Variants in CASK observed in about 807,000 individuals in gnomAD.
CASK encodes the protein peripheral plasma membrane protein CASK.
A neutral mutation model predicts 82.9 loss-of-function variants in CASK; 4 were observed. The observed-to-expected ratio is 0.05, with a 90% CI of 0.02 to 0.11. The LOEUF (loss-of-function observed/expected upper bound fraction) is 0.11, where lower values mean the gene tolerates loss of function less well. Among genes scored for constraint, CASK ranks in the 10% least tolerant of loss-of-function variants. The pLI, the probability that CASK is intolerant of heterozygous loss-of-function variation, is 1.00. For missense variants in CASK, 358 were observed against 720.9 expected (o/e 0.50, Z 5.76); for synonymous variants, 259 against 253.5 (o/e 1.02, Z -0.20).
intron 16 of CASK, among the ~76,000 whole-genome samples, chrX:41,565,431 A>G (rs1002764086): frequency 7.1e-5 from 8 of 112,048 alleles, no homozygotes; most frequent in African/African-American, 2.6e-4. Context: ...AGAAATACAA[A>G]CTACCATCAG....
At chrX:41,624,431 T>C (rs746601469) in intron 10 of CASK, 34 of 254,833 alleles carry the variant, frequency 1.3e-4, no homozygotes, top group Admixed American at 7.6e-4. Context: ...TTTTTGGAAA[T>C]CACCTTCACT....
intron 6 of CASK, among the ~76,000 whole-genome samples, chrX:41,670,324 T>C (rs919469450): frequency 1.8e-5 from 2 of 112,585 alleles, no homozygotes; most frequent in African/African-American, 6.5e-5. Flanking sequence ...TAGCATTCTT[T>C]GAAACTATAC....
At chrX:41,867,137 G>A (rs1212028111) in intron 1 of CASK, among the ~76,000 whole-genome samples, 2 of 112,179 alleles carry the variant, frequency 1.8e-5, no homozygotes, top group East Asian at 5.6e-4. Context: ...AGGGGTTACA[G>A]TATTCTACAC....
chrX:41,828,997 T>C (rs983095693), intron 2 of CASK, among the ~76,000 whole-genome samples: 1 of 111,969 alleles, frequency 8.9e-6, no homozygotes, highest in Non-Finnish European at 1.9e-5. Flanking sequence ...AGGTATGTCA[T>C]CACCCTTTTC....
At chrX:41,784,322 C>T (rs1177152670) in intron 3 of CASK, among the ~76,000 whole-genome samples, 1 of 112,109 alleles carries the variant, frequency 8.9e-6, no homozygotes. Flanking sequence ...GGAGGTTCCA[C>T]CTTACTTTAT....
chrX:41,615,081 C>T (rs1569342333), intron 11 of CASK, among the ~76,000 whole-genome samples: 1 of 112,081 alleles, frequency 8.9e-6, no homozygotes, highest in Non-Finnish European at 1.9e-5. Flanking sequence ...GCTGGGATTA[C>T]AGGTGTGAGC....
chrX:41,871,704 T>C (rs1006456021), intron 1 of CASK, among the ~76,000 whole-genome samples: 4 of 111,803 alleles, frequency 3.6e-5, no homozygotes, highest in Non-Finnish European at 7.5e-5. Context: ...GTATACTGTG[T>C]CATAGTAAAA....
chrX:41,605,575 A>C (rs1050586129), intron 12 of CASK, among the ~76,000 whole-genome samples: 5 of 111,854 alleles, frequency 4.5e-5, no homozygotes, highest in African/African-American at 1.6e-4. Context: ...CTTAAACAAA[A>C]AACAAACAAC....
At chrX:41,578,295 G>T in intron 15 of CASK, 45 bp downstream of exon 15, 1 of 975,461 alleles carries the variant, frequency 1.0e-6, no homozygotes, top group Non-Finnish European at 1.5e-6. Flanking sequence ...TATAACTCAT[G>T]CTGGGATCTT....
intron 4 of CASK, among the ~76,000 whole-genome samples, chrX:41,745,069 G>A (rs2068664529): frequency 8.9e-6 from 1 of 112,051 alleles, no homozygotes; most frequent in African/African-American, 3.2e-5. Flanking sequence ...CCAAGCTGGA[G>A]TGCAATAGCG....
intron 11 of CASK, among the ~76,000 whole-genome samples, chrX:41,612,898 G>A (rs1285195298): frequency 4.0e-4 from 34 of 84,425 alleles, no homozygotes; most frequent in African/African-American, 6.6e-4. Flanking sequence ...TCAGCCCCCC[G>A]CCCGGCCAGC....
chrX:41,800,235 A>T (rs2069965043), intron 2 of CASK, among the ~76,000 whole-genome samples: 1 of 110,800 alleles, frequency 9.0e-6, no homozygotes, highest in South Asian at 3.9e-4. Context: ...GAGCTGTGGA[A>T]GATCCACACT....
At chrX:41,715,449 G>A (rs141499429) in intron 5 of CASK, among the ~76,000 whole-genome samples, 1,884 of 110,671 alleles carry the variant, frequency 0.017, 36 homozygotes, top group African/African-American at 0.057. Flanking sequence ...GCGAAACCCC[G>A]TCTCTACTAA....
At chrX:41,530,025 AG>A (rs754135037) in intron 25 of CASK, among the ~76,000 whole-genome samples, 8 of 111,915 alleles carry the variant, frequency 7.1e-5, no homozygotes, top group Non-Finnish European at 1.5e-4. Context: ...TAAGATAGCC[AG>A]GTAAGCCTCC....
chrX:41,516,325 CAGGCAA>C lies in CASK; in HGVS notation c.*4089_*4094del, dbSNP rs750218353. 10 of 112,841 alleles carry C rather than the reference CAGGCAA, an allele frequency of 8.9e-5. No individual in the cohort carries two copies. Among genetic ancestry groups the C allele is most frequent in the Non-Finnish European group, 7.5e-5 (4 of 53,366 alleles). 9.3% of individuals were successfully genotyped at this position (112,841 alleles called of 1,213,427 possible). A position where few individuals can be genotyped will look rare whatever the true frequency, so the allele number is the denominator to read the frequency against. On this transcript the variant is annotated 3_prime_UTR_variant, in exon 27 of 27. Coordinates refer to ENST00000378163, the MANE Select transcript of CASK (RefSeq NM_001367721.1). ...TAAGGCAAACTGATGTGTGTGTGCA[CAGGCAA>C]AGCCAATCAAGCCATGAGCTTGGAG...
chrX:41,697,495 G>A (rs1448243693), intron 5 of CASK: 2 of 112,098 alleles, frequency 1.8e-5, no homozygotes, highest in African/African-American at 6.5e-5. Flanking sequence ...TCATCTACAA[G>A]GTATACATCT....
intron 2 of CASK, among the ~76,000 whole-genome samples, chrX:41,790,607 G>A (rs1385083487): frequency 2.7e-5 from 3 of 111,380 alleles, no homozygotes; most frequent in Admixed American, 9.6e-5. Context: ...AAATGTCACC[G>A]GATCTGACAT....
At chrX:41,794,908 A>T (rs968779114) in intron 2 of CASK, among the ~76,000 whole-genome samples, 3 of 112,393 alleles carry the variant, frequency 2.7e-5, no homozygotes, top group African/African-American at 9.7e-5. Flanking sequence ...CAACAAGGAC[A>T]CGTTGACAGG....
At chrX:41,558,183 G>A (rs1251922856) in intron 18 of CASK, 1 of 104,883 alleles carries the variant, frequency 9.5e-6, no homozygotes, top group Non-Finnish European at 1.9e-5. Context: ...TTTTTTTTTT[G>A]AAGTATTGCC....
Sources: allele counts gnomAD v4.1 joint callset (sites outside exome capture counted in the v4.1 genomes callset), GRCh38; gene constraint gnomAD v4.1.1; transcripts MANE v1.5; gene names NCBI Gene and HGNC (gene_info 2026-07-23, HGNC 2026-07-21).